NINL: variants seen among roughly 807,000 people sequenced by gnomAD.
NINL encodes the protein ninein-like protein.
A neutral mutation model predicts 160.3 loss-of-function variants in NINL; 153 were observed. That is an observed-to-expected ratio of 0.95 (90% CI 0.84 to 1.09). The LOEUF is 1.09. Ranked by LOEUF, NINL falls within the 50% of genes least tolerant of loss-of-function variation. The pLI, the probability that NINL is intolerant of heterozygous loss-of-function variation, is 0.00. For synonymous variants in NINL, 800 were observed against 734.8 expected, an observed-to-expected ratio of 1.09 and a Z score of -1.43; for missense variants, 1,829 against 1,764.0, an observed-to-expected ratio of 1.04 and a Z score of -0.66.
At chr20:25,568,907 T>C (rs2065023219) in intron 1 of NINL, among the ~76,000 whole-genome samples, 1 of 151,524 alleles carries the variant, frequency 6.6e-6, no homozygotes, top group Admixed American at 6.6e-5. Context: ...GGCAACACAT[T>C]GAGACCCCTC....
intron 1 of NINL, among the ~76,000 whole-genome samples, chr20:25,562,396 G>C (rs1277055939): frequency 8.7e-6 from 1 of 115,052 alleles, no homozygotes; most frequent in Non-Finnish European, 1.8e-5. Context: ...GATGGTTGCT[G>C]TGTCTGTGTA....
chr20:25,565,675 C>G (rs1311031219), intron 1 of NINL, among the ~76,000 whole-genome samples: 1 of 152,078 alleles, frequency 6.6e-6, no homozygotes, highest in Non-Finnish European at 1.5e-5. Flanking sequence ...CGTAGAAACC[C>G]GCTAGGGCAT....
chr20:25,512,712 G>T, intron 4 of NINL, 122 bp downstream of exon 4: 1 of 1,272,324 alleles, frequency 7.9e-7, no homozygotes, highest in Non-Finnish European at 1.1e-6. Context: ...GGCGACTCAG[G>T]GTGCCTGAGA....
intron 21 of NINL, chr20:25,458,963 G>C (rs2090765396): frequency 6.2e-6 from 1 of 162,106 alleles, no homozygotes; most frequent in Admixed American, 6.2e-5. Flanking sequence ...GGGAAGGTGG[G>C]GCCAGGGCTG....
At chr20:25,559,607 T>C (rs2064908856) in intron 1 of NINL, among the ~76,000 whole-genome samples, 1 of 152,066 alleles carries the variant, frequency 6.6e-6, no homozygotes, top group Admixed American at 6.6e-5. Context: ...CCAGGTGTTT[T>C]GTTTTGGTTT....
rs1256489200 is a variant in NINL, at chr20:25,478,111, G to GA, written c.2201+811_2201+812insT. On this transcript the variant is annotated intron_variant, in intron 16 of 23. Transcript: ENST00000278886. ...TTACAGGCGCCTGCTACCATGCTCAGCTAATTTTTTGTGTTTTTAGTAGAG... is the reference window on the plus strand; with the variant it reads ...TTACAGGCGCCTGCTACCATGCTCAGACTAATTTTTTGTGTTTTTAGTAGAG... Among the ~76,000 whole-genome samples the GA allele has an allele frequency of 1.8e-3, 277 of 152,158 alleles. 2 individuals carry two copies. The highest frequency in any genetic ancestry group is 6.4e-3 in the African/African-American group (265 of 41,526).
At chr20:25,474,314 G>A (rs979263333) in intron 17 of NINL, among the ~76,000 whole-genome samples, 4 of 152,210 alleles carry the variant, frequency 2.6e-5, no homozygotes, top group Non-Finnish European at 5.9e-5. Context: ...CTAGCCCAAG[G>A]AGACCCTTTC....
At chr20:25,566,658 G>A (rs1221153888) in intron 1 of NINL, among the ~76,000 whole-genome samples, 3 of 152,186 alleles carry the variant, frequency 2.0e-5, no homozygotes, top group Non-Finnish European at 4.4e-5. Context: ...ACCCGGCATG[G>A]TAACTCATGC....
At chr20:25,561,571 C>A (rs980121705) in intron 1 of NINL, among the ~76,000 whole-genome samples, 79 of 151,822 alleles carry the variant, frequency 5.2e-4, no homozygotes, top group Non-Finnish European at 6.9e-4. Context: ...CGGCCGCCAT[C>A]CCACCTAGGA....
intron 1 of NINL, among the ~76,000 whole-genome samples, chr20:25,571,689 G>T (rs952027505): frequency 1.3e-5 from 2 of 151,918 alleles, no homozygotes; most frequent in Non-Finnish European, 2.9e-5. Flanking sequence ...CCAGCATGGT[G>T]AAACTCTGTC....
chr20:25,505,606 A>C (rs2063947638), intron 5 of NINL, among the ~76,000 whole-genome samples: 1 of 152,234 alleles, frequency 6.6e-6, no homozygotes, highest in Non-Finnish European at 1.5e-5. Flanking sequence ...TCACACCTCA[A>C]TAAGGCTGGG....
chr20:25,456,972 T>C (rs1044230724), intron 22 of NINL, among the ~76,000 whole-genome samples: 3 of 152,038 alleles, frequency 2.0e-5, no homozygotes, highest in Non-Finnish European at 4.4e-5. Flanking sequence ...AGCTCAAATG[T>C]ACACATCTGA....
At chr20:25,513,817 C>T (rs370981734) in intron 3 of NINL, among the ~76,000 whole-genome samples, 48 of 152,322 alleles carry the variant, frequency 3.2e-4, no homozygotes, top group Admixed American at 8.5e-4. Context: ...CTTTGCCTTC[C>T]GCCATGATTC....
At chr20:25,486,709 C>T (rs1335523095) in intron 13 of NINL, among the ~76,000 whole-genome samples, 1 of 152,194 alleles carries the variant, frequency 6.6e-6, no homozygotes, top group African/African-American at 2.4e-5. Context: ...GGGGTAATCA[C>T]AGCCACTGAG....
At chr20:25,469,803 G>A (rs1346050084) in intron 18 of NINL, among the ~76,000 whole-genome samples, 188 bp downstream of exon 18, 1 of 152,228 alleles carries the variant, frequency 6.6e-6, no homozygotes, top group East Asian at 1.9e-4. Flanking sequence ...CCCACACGAG[G>A]AAGGAGGCCA....
At chr20:25,525,123 G>A (rs765427971) in intron 2 of NINL, among the ~76,000 whole-genome samples, 16 of 152,108 alleles carry the variant, frequency 1.1e-4, no homozygotes, top group Admixed American at 5.9e-4. Flanking sequence ...AAAAATGCAG[G>A]AATAGAAACC....
chr20:25,498,170 GC>G (rs747249889), intron 9 of NINL, 39 bp downstream of exon 9: 14 of 1,607,222 alleles, frequency 8.7e-6, no homozygotes, highest in Non-Finnish European at 1.2e-5. Flanking sequence ...CACCTGGCCA[GC>G]CACACTGCCA....
At chr20:25,585,394 C>A (rs1334114535) in intron 1 of NINL, 61 bp downstream of exon 1, 1 of 152,152 alleles carries the variant, frequency 6.6e-6, no homozygotes, top group East Asian at 1.9e-4. Flanking sequence ...GCAGGGGCGG[C>A]CCCGGACTCT....
chr20:25,501,209 A>G (rs2063861145), intron 7 of NINL, among the ~76,000 whole-genome samples, 199 bp from the exon 8 acceptor site: 1 of 152,236 alleles, frequency 6.6e-6, no homozygotes, highest in African/African-American at 2.4e-5. Flanking sequence ...CTGTGCAGGT[A>G]AGAAAGTCGG....
Sources: gnomAD v4.1 joint callset for allele counts (sites outside exome capture counted in the v4.1 genomes callset) on GRCh38, gnomAD v4.1.1 for gene constraint, MANE v1.5 for transcripts, NCBI Gene and HGNC (gene_info 2026-07-23, HGNC 2026-07-21) for gene names.